MAST4: variants seen among roughly 807,000 people sequenced by gnomAD.
MAST4 encodes microtubule associated serine/threonine kinase family member 4.
MAST4 carries 89 observed loss-of-function variants against 162.7 expected under a neutral mutation model. That is an observed-to-expected ratio of 0.55 (90% CI 0.46 to 0.65). MAST4 has a LOEUF of 0.65. Ranked by LOEUF, MAST4 falls within the 30% of genes least tolerant of loss-of-function variation. The pLI is 0.00. For synonymous variants in MAST4, 1,479 were observed against 1,361.1 expected, an observed-to-expected ratio of 1.09 and a Z score of -1.91; for missense variants, 3,153 against 3,374.0, an observed-to-expected ratio of 0.93 and a Z score of 1.62.
At chr5:66,675,526 G>A (rs1015459878) in intron 1 of MAST4, among the ~76,000 whole-genome samples, 2 of 145,094 alleles carry the variant, frequency 1.4e-5, no homozygotes, top group African/African-American at 5.8e-5. Flanking sequence ...CAAGTCTCAT[G>A]TACAAGTCAT....
chr5:66,787,173 A>G (rs1025323438), intron 2 of MAST4, among the ~76,000 whole-genome samples: 7 of 152,198 alleles, frequency 4.6e-5, no homozygotes, highest in African/African-American at 1.7e-4. Flanking sequence ...TGAGTACTGT[A>G]CTTACAAAAT....
chr5:67,092,766 C>T (rs1014264405), intron 6 of MAST4, among the ~76,000 whole-genome samples: 2 of 152,182 alleles, frequency 1.3e-5, no homozygotes, highest in African/African-American at 4.8e-5. Context: ...AACAAACTTG[C>T]CTGCTGAGTT....
chr5:67,042,255 C>T (rs538688317), intron 4 of MAST4, among the ~76,000 whole-genome samples: 4 of 152,232 alleles, frequency 2.6e-5, no homozygotes, highest in South Asian at 2.1e-4. Context: ...CAAGTCACTT[C>T]GTTGTCTTCC....
Position 66,685,262 on chromosome 5 carries a change from C to CAAACAAAACAAAACAAAACA in MAST4, c.364-74422_364-74403dup, listed in dbSNP as rs60672976. 1.1e-3 allele frequency among the ~76,000 whole-genome samples: 158 copies of CAAACAAAACAAAACAAAACA among 144,008 alleles called. 2 individuals carry two copies. Among genetic ancestry groups the CAAACAAAACAAAACAAAACA allele is most frequent in the South Asian group, 2.0e-3 (9 of 4,432 alleles). The allele number at this position is 144,008 out of a possible 152,430, so 94.5% of individuals were successfully genotyped here. On this transcript the variant is annotated intron_variant, in intron 1 of 28. Coordinates refer to ENST00000403625, the MANE Select transcript of MAST4 (RefSeq NM_001164664.2). ...TGGGTGACAGAGTGAGACCTTGTCT[C>CAAACAAAACAAAACAAAACA]AAACAAAACAAAACAAAACAAAACA...
At chr5:67,109,487 A>G (rs1024821306) in intron 10 of MAST4, among the ~76,000 whole-genome samples, 2 of 152,168 alleles carry the variant, frequency 1.3e-5, no homozygotes, top group Non-Finnish European at 2.9e-5. Flanking sequence ...CAAATATTCT[A>G]AAATTTGAAA....
chr5:66,774,636 T>C (rs1290810691), intron 2 of MAST4, among the ~76,000 whole-genome samples: 1 of 152,224 alleles, frequency 6.6e-6, no homozygotes, highest in African/African-American at 2.4e-5. Flanking sequence ...TTTGCTAGTT[T>C]ATAAATTTCT....
chr5:66,640,400 C>T (rs35545180), intron 1 of MAST4, among the ~76,000 whole-genome samples: 30,437 of 151,668 alleles, frequency 0.2, 3,351 homozygotes, highest in South Asian at 0.35. Flanking sequence ...CTCTGCCTCC[C>T]GGGTTCATGC....
In MAST4 at chr5:66,951,636, G is replaced by GTGTGTATGTA. The variant is rs1554072468; in HGVS notation, c.674+51659_674+51660insATGTATGTGT. 2.4e-3 allele frequency among the ~76,000 whole-genome samples: 349 copies of GTGTGTATGTA among 145,384 alleles called. 1 individual carries two copies. Among genetic ancestry groups the GTGTGTATGTA allele is most frequent in the Middle Eastern group, 0.017 (5 of 286 alleles). ...TGTGTGTGTGTGTGTGTGTGTGTGT[G>GTGTGTATGTA]TGTGTGTGTGTGTGTGTATTTTTTC... On this transcript the variant is annotated intron_variant, in intron 4 of 28. Coordinates refer to ENST00000403625, the MANE Select transcript of MAST4 (RefSeq NM_001164664.2).
intron 4 of MAST4, among the ~76,000 whole-genome samples, chr5:67,036,968 T>C (rs1263048189): frequency 6.6e-6 from 1 of 152,184 alleles, no homozygotes; most frequent in East Asian, 1.9e-4. Context: ...CTTTTGTTCA[T>C]TGTCATCCCA....
At chr5:66,687,893 G>A (rs1449456364) in intron 1 of MAST4, among the ~76,000 whole-genome samples, 1 of 152,290 alleles carries the variant, frequency 6.6e-6, no homozygotes, top group Non-Finnish European at 1.5e-5. Flanking sequence ...ATGACTTGAT[G>A]TTAAGTTCAA....
intron 4 of MAST4, among the ~76,000 whole-genome samples, chr5:67,019,320 G>A (rs975676412): frequency 6.6e-6 from 1 of 152,108 alleles, no homozygotes; most frequent in East Asian, 1.9e-4. Context: ...ACTAGTGAAG[G>A]GACCCTGGAT....
chr5:66,818,020 G>A (rs1580526624), intron 3 of MAST4, among the ~76,000 whole-genome samples: 1 of 152,100 alleles, frequency 6.6e-6, no homozygotes, highest in Admixed American at 6.6e-5. Context: ...ATGGATTTTG[G>A]TAAAAGAAAG....
chr5:67,062,271 A>T (rs1437243142), intron 5 of MAST4, among the ~76,000 whole-genome samples: 5 of 151,940 alleles, frequency 3.3e-5, no homozygotes, highest in Admixed American at 6.6e-5. Flanking sequence ...GGTGGCACAT[A>T]CCTGTAGTCC....
chr5:66,624,724 G>A (rs1401851079), intron 1 of MAST4, among the ~76,000 whole-genome samples: 1 of 152,114 alleles, frequency 6.6e-6, no homozygotes, highest in African/African-American at 2.4e-5. Context: ...AGAATAGAGA[G>A]CCCAGAAATA....
chr5:66,727,425 T>C (rs1751592349), intron 1 of MAST4, among the ~76,000 whole-genome samples: 1 of 152,196 alleles, frequency 6.6e-6, no homozygotes, highest in Non-Finnish European at 1.5e-5. Context: ...CTTCTCCAGG[T>C]TATCCTGCAA....
At chr5:67,069,391 T>A (rs943685408) in intron 5 of MAST4, among the ~76,000 whole-genome samples, 6 of 151,278 alleles carry the variant, frequency 4.0e-5, no homozygotes, top group African/African-American at 1.5e-4. Flanking sequence ...TCTTTCACCC[T>A]GTGTTCTCAG....
intron 1 of MAST4, among the ~76,000 whole-genome samples, chr5:66,743,782 T>C (rs937569496): frequency 2.0e-5 from 3 of 152,300 alleles, no homozygotes; most frequent in African/African-American, 7.2e-5. Flanking sequence ...TTTAAGGTCT[T>C]GGAATTTTAA....
intron 1 of MAST4, among the ~76,000 whole-genome samples, chr5:66,614,740 C>T (rs889195252): frequency 6.6e-6 from 1 of 152,154 alleles, no homozygotes; most frequent in African/African-American, 2.4e-5. Context: ...CTACACCTCC[C>T]AACGTGATGG....
chr5:66,949,294 G>A (rs1232581978), intron 4 of MAST4, among the ~76,000 whole-genome samples: 2 of 152,072 alleles, frequency 1.3e-5, no homozygotes, highest in African/African-American at 2.4e-5. Flanking sequence ...CCCAGATCTC[G>A]CCTTGAATTG....
Sources: allele counts gnomAD v4.1 joint callset (sites outside exome capture counted in the v4.1 genomes callset), GRCh38; gene constraint gnomAD v4.1.1; transcripts MANE v1.5; gene names NCBI Gene and HGNC (gene_info 2026-07-23, HGNC 2026-07-21).